Variants in CLIP4 observed in about 807,000 individuals in gnomAD.
The protein encoded by CLIP4 is CAP-Gly domain containing linker protein family member 4.
CLIP4 carries 47 observed loss-of-function variants against 73.1 expected under a neutral mutation model. That is an observed-to-expected ratio of 0.64 (90% confidence interval 0.51 to 0.82). The LOEUF (loss-of-function observed/expected upper bound fraction) is 0.82, where lower values mean the gene tolerates loss of function less well. Ranked by LOEUF, CLIP4 falls within the 40% of genes least tolerant of loss-of-function variation. CLIP4 has a pLI of 0.00. For synonymous variants in CLIP4, 306 were observed against 295.4 expected, an observed-to-expected ratio of 1.04 and a Z score of -0.37; for missense variants, 874 against 852.9, an observed-to-expected ratio of 1.02 and a Z score of -0.31.
chr2:29,145,511 A>T, intron 8 of CLIP4, 144 bp downstream of exon 8: 1 of 623,722 alleles, frequency 1.6e-6, no homozygotes, highest in Non-Finnish European at 2.7e-6. Context: ...CTTTTTAAAG[A>T]TAGGAGATAG....
intron 6 of CLIP4, among the ~76,000 whole-genome samples, chr2:29,139,982 G>A (rs967398930): frequency 2.0e-5 from 3 of 151,580 alleles, no homozygotes; most frequent in Non-Finnish European, 2.9e-5. Flanking sequence ...TCATATAGTT[G>A]TACTCCAATT....
At chr2:29,154,898 C>T (rs1572977502) in intron 9 of CLIP4, among the ~76,000 whole-genome samples, 1 of 152,178 alleles carries the variant, frequency 6.6e-6, no homozygotes, top group African/African-American at 2.4e-5. Context: ...CCAGAGGCTA[C>T]ATGGGTTGAC....
intron 11 of CLIP4, among the ~76,000 whole-genome samples, chr2:29,159,439 T>C (rs975619975): frequency 6.6e-6 from 1 of 152,208 alleles, no homozygotes; most frequent in Non-Finnish European, 1.5e-5. Flanking sequence ...CTATGTTTAA[T>C]AGTGGGCATT....
At chr2:29,111,231 C>T (rs912214541), upstream of CLIP4, among the ~76,000 whole-genome samples, 1 of 152,154 alleles carries the variant, frequency 6.6e-6, no homozygotes, top group Non-Finnish European at 1.5e-5. Context: ...AGATCTTTGC[C>T]AATATTTGGG....
intron 1 of CLIP4, among the ~76,000 whole-genome samples, chr2:29,098,296 T>G (rs1303002664): frequency 2.6e-5 from 4 of 152,248 alleles, no homozygotes; most frequent in Non-Finnish European, 4.4e-5. Flanking sequence ...CTTTTGTGTT[T>G]TACATTCGGT....
rs1666668253 is a variant in CLIP4 at position 29,152,822 on chromosome 2, A to C, written c.1159A>C (p.Asn387His). ...IDVAHVTSKV[N>H]TGLMTSKKDS... The stretch of plus-strand genomic sequence containing the variant: ...CGTAGCTCATGTGACGTCAAAAGTA[A>C]ATACTGGTAGGTCAAACCAGAAAGT... Residue 387 changes from asparagine (N) to histidine (H), a missense_variant, in exon 9 of 16, where the codon AAT becomes CAT. By Grantham distance (68) the Asn-to-His change is moderately conservative (BLOSUM62 1). Coordinates refer to ENST00000320081, the MANE Select transcript of CLIP4 (RefSeq NM_024692.6). 4.3e-6 allele frequency: 7 copies of C among 1,613,132 alleles called. No homozygotes were observed. In the East Asian group the frequency reaches 1.6e-4, roughly 36 times the overall value.
intron 14 of CLIP4, among the ~76,000 whole-genome samples, chr2:29,169,237 C>T (rs1446176366): frequency 1.3e-5 from 2 of 151,926 alleles, no homozygotes; most frequent in African/African-American, 4.8e-5. Flanking sequence ...AGTCTGAGAT[C>T]AAGGTGTTGG....
chr2:29,163,511 T>G (rs141810179), intron 12 of CLIP4, among the ~76,000 whole-genome samples: 229 of 152,320 alleles, frequency 1.5e-3, no homozygotes, highest in African/African-American at 5.1e-3. Flanking sequence ...AGAACAGTTT[T>G]TCACTGCAGC....
chr2:29,173,191 C>G (rs1268788585), intron 14 of CLIP4, among the ~76,000 whole-genome samples: 1 of 152,104 alleles, frequency 6.6e-6, no homozygotes, highest in African/African-American at 2.4e-5. Flanking sequence ...GCATTGCCAA[C>G]CTGGGACTTT....
chr2:29,098,624 C>T (rs1400310207), intron 1 of CLIP4, among the ~76,000 whole-genome samples: 1 of 152,122 alleles, frequency 6.6e-6, no homozygotes, highest in African/African-American at 2.4e-5. Flanking sequence ...TGAGGAATGT[C>T]TTGGTTGTTT....
Position 29,131,490 on chromosome 2 carries a change from A to G in CLIP4, c.273+93A>G, listed in dbSNP as rs928194787. 6.8e-6 allele frequency: 9 copies of G among 1,325,406 alleles called. No individual in the cohort carries two copies. The African/African-American group carries it at 1.2e-4, about 18-fold the overall frequency. 82.1% of individuals were successfully genotyped at this position (1,325,406 alleles called of 1,614,324 possible). A position where few individuals can be genotyped will look rare whatever the true frequency, so the allele number is the denominator to read the frequency against. Reference sequence around the variant, plus strand: ...TCTGAAAGGAAGATGGTAATAAAGGAGAAACCCTTTAAAAGTTCTGATATT... The same window carrying G: ...TCTGAAAGGAAGATGGTAATAAAGGGGAAACCCTTTAAAAGTTCTGATATT... On this transcript the variant is annotated intron_variant, in intron 3 of 15. Coordinates refer to ENST00000320081, the MANE Select transcript of CLIP4 (RefSeq NM_024692.6).
chr2:29,166,759 T>C (rs1003700405), intron 13 of CLIP4, among the ~76,000 whole-genome samples: 1 of 152,184 alleles, frequency 6.6e-6, no homozygotes, highest in Non-Finnish European at 1.5e-5. Flanking sequence ...ATGTTGTATA[T>C]CATGTAAAAA....
chr2:29,171,313 G>A (rs1253241549), intron 14 of CLIP4, among the ~76,000 whole-genome samples: 2 of 152,024 alleles, frequency 1.3e-5, no homozygotes, highest in Non-Finnish European at 2.9e-5. Flanking sequence ...CTTTGTACAT[G>A]TTTTGTTAGA....
In CLIP4 at chr2:29,181,651, G is replaced by C; in HGVS notation, c.1876G>C (p.Gly626Arg). 1 of 1,614,176 alleles carries C rather than the reference G, an allele frequency of 6.2e-7. No homozygotes were observed. Among genetic ancestry groups the C allele is most frequent in the East Asian group, 2.2e-5 (1 of 44,882 alleles). ...GIEGSVKLHE[G>R]SQVLLTSSNE... ...TGAAGGGAGCGTGAAGCTGCACGAG[G>C]GGTCTCAGGTCCTGCTCACGAGCTC... The change falls in exon 16 of 16, where the codon GGG (glycine) becomes CGG (arginine). Residue 626 changes from glycine (G) to arginine (R), a missense_variant. Coordinates refer to ENST00000320081, the MANE Select transcript of CLIP4 (RefSeq NM_024692.6).
intron 1 of CLIP4, among the ~76,000 whole-genome samples, chr2:29,104,543 T>A (rs1401034946): frequency 6.6e-6 from 1 of 152,210 alleles, no homozygotes; most frequent in East Asian, 1.9e-4. Context: ...TGCCTCGGCC[T>A]CCCAAAGTGC....
intron 10 of CLIP4, 39 bp downstream of exon 10, chr2:29,156,482 T>G: frequency 7.1e-7 from 1 of 1,406,170 alleles, no homozygotes; most frequent in African/African-American, 1.5e-5. Flanking sequence ...AAAATTTAAC[T>G]TTTGATGGAA....
chr2:29,138,019 G>A (rs1665493353), intron 6 of CLIP4, among the ~76,000 whole-genome samples: 1 of 152,032 alleles, frequency 6.6e-6, no homozygotes, highest in African/African-American at 2.4e-5. Context: ...ATGAGGTCCT[G>A]TTTGACAATT....
chr2:29,098,751 TGGTAAG>T (rs1667951881), intron 1 of CLIP4, among the ~76,000 whole-genome samples: 1 of 152,254 alleles, frequency 6.6e-6, no homozygotes, highest in African/African-American at 2.4e-5. Flanking sequence ...TTAGATCATA[TGGTAAG>T]ACTATGCTTA....
intron 1 of CLIP4, among the ~76,000 whole-genome samples, chr2:29,116,182 C>T (rs1007533015): frequency 6.6e-6 from 1 of 152,200 alleles, no homozygotes; most frequent in East Asian, 1.9e-4. Context: ...CTGAACCATC[C>T]GCACCTGGGA....
Sources: allele counts gnomAD v4.1 joint callset (sites outside exome capture counted in the v4.1 genomes callset), GRCh38; gene constraint gnomAD v4.1.1; transcripts MANE v1.5; gene names NCBI Gene and HGNC (gene_info 2026-07-23, HGNC 2026-07-21).